Variants in HDGFL3 observed in about 807,000 individuals in gnomAD.
HDGFL3 encodes hepatoma-derived growth factor-related protein 3.
HDGFL3 carries 6 observed loss-of-function variants against 27.6 expected under a neutral mutation model. The observed-to-expected ratio is 0.22, with a 90% CI of 0.12 to 0.43. HDGFL3 has a LOEUF of 0.43. Ranked by LOEUF, HDGFL3 falls within the 20% of genes least tolerant of loss-of-function variation. HDGFL3 has a pLI of 1.00. For synonymous variants in HDGFL3, 88 were observed against 88.9 expected, an observed-to-expected ratio of 0.99 and a Z score of 0.05; for missense variants, 207 against 250.1, an observed-to-expected ratio of 0.83 and a Z score of 1.16.
intron 5 of HDGFL3, among the ~76,000 whole-genome samples, chr15:83,145,055 C>A (rs917357521): frequency 6.6e-6 from 1 of 151,802 alleles, no homozygotes; most frequent in African/African-American, 2.4e-5. Context: ...ACTCAGAGAG[C>A]CTCTGGGAGC....
intron 1 of HDGFL3, among the ~76,000 whole-genome samples, chr15:83,187,626 C>T (rs1012422642): frequency 1.3e-5 from 2 of 152,158 alleles, no homozygotes; most frequent in Admixed American, 1.3e-4. Flanking sequence ...TGGTGGCTCA[C>T]GCCTGTAATC....
Position 83,166,868 on chromosome 15 carries a change from A to G in HDGFL3, c.85-2793T>C, listed in dbSNP as rs28885151. On this transcript the variant is annotated intron_variant, in intron 1 of 5. Coordinates refer to ENST00000299633, the MANE Select transcript of HDGFL3 (RefSeq NM_016073.4). ...CTATCACAAGAACAGCAAAGAGGAA[A>G]TCTAACCCCATGATCCAATCACCTC... 6.7e-3 allele frequency among the ~76,000 whole-genome samples: 1,013 copies of G among 152,314 alleles called. 12 individuals are homozygous for G. Among genetic ancestry groups the G allele is most frequent in the African/African-American group, 0.023 (974 of 41,578 alleles).
At chr15:83,186,308 G>C (rs2037441740) in intron 1 of HDGFL3, among the ~76,000 whole-genome samples, 1 of 152,210 alleles carries the variant, frequency 6.6e-6, no homozygotes, top group African/African-American at 2.4e-5. Flanking sequence ...GAACAAAGCA[G>C]GAGATACCAG....
rs1482263742 is a variant in HDGFL3 at position 83,177,520 on chromosome 15, T to C, written c.85-13445A>G. On this transcript the variant is annotated intron_variant, in intron 1 of 5. Coordinates refer to ENST00000299633, the MANE Select transcript of HDGFL3 (RefSeq NM_016073.4). ...TATAAACTTCAAATTGACACACTTT[T>C]AAAAAATTTCAACAGCAATTATGTT... Among the ~76,000 whole-genome samples the C allele has an allele frequency of 2.0e-5, 3 of 152,344 alleles. No individual in the cohort carries two copies. The East Asian group carries it at 5.8e-4, about 29-fold the overall frequency.
rs111316509 is a variant in HDGFL3, at chr15:83,157,803, C to T, written c.300+100G>A. 1.4e-4 allele frequency: 164 copies of T among 1,163,316 alleles called. No homozygotes were observed. In the African/African-American group the frequency reaches 2.3e-3, roughly 16 times the overall value. The allele number at this position is 1,163,316 out of a possible 1,614,324, so 72.1% of individuals were successfully genotyped here. On this transcript the variant is annotated intron_variant, in intron 3 of 5. Transcript: ENST00000299633. ...CTGGAGTCAAAAAGAATTGTGACTT[C>T]AAGGTAACTATTAGTAGAAAGGACA...
At position 83,133,607 on chromosome 15, in the gene HDGFL3, C is replaced by T. The variant is rs2036407421; in HGVS notation, c.*5663G>A. The T allele has an allele frequency of 6.6e-6, 1 of 152,182 alleles. No individual in the cohort carries two copies. Among genetic ancestry groups the T allele is most frequent in the Non-Finnish European group, 1.5e-5 (1 of 68,036 alleles). The allele number at this position is 152,182 out of a possible 1,614,324, so 9.4% of individuals were successfully genotyped here. ...ATTCTGGAGAAATTTCTAGGATCAA[C>T]AACTCATATCTGTAATCCTGGGCCT... On this transcript the variant is annotated 3_prime_UTR_variant, in exon 6 of 6. Coordinates refer to ENST00000299633, the MANE Select transcript of HDGFL3 (RefSeq NM_016073.4).
intron 1 of HDGFL3, among the ~76,000 whole-genome samples, chr15:83,197,125 T>C (rs2037579551): frequency 6.6e-6 from 1 of 152,228 alleles, no homozygotes; most frequent in Non-Finnish European, 1.5e-5. Flanking sequence ...GACCATGATA[T>C]TTCATAACTC....
At chr15:83,200,039 C>G (rs1294993896) in intron 1 of HDGFL3, among the ~76,000 whole-genome samples, 1 of 106,518 alleles carries the variant, frequency 9.4e-6, no homozygotes, top group Admixed American at 1.1e-4. Context: ...AGCGAAACTC[C>G]ATCTCAAAAA....
chr15:83,171,290 A>C (rs1036629926), intron 1 of HDGFL3, among the ~76,000 whole-genome samples: 4 of 151,998 alleles, frequency 2.6e-5, no homozygotes, highest in Admixed American at 2.6e-4. Context: ...ACACACTGTT[A>C]GTGGGACTGT....
At chr15:83,183,049 A>C (rs934685933) in intron 1 of HDGFL3, among the ~76,000 whole-genome samples, 2 of 152,370 alleles carry the variant, frequency 1.3e-5, no homozygotes, top group Non-Finnish European at 2.9e-5. Context: ...GAAGAGGATG[A>C]GACTAGTGTT....
intron 1 of HDGFL3, among the ~76,000 whole-genome samples, chr15:83,201,820 T>C (rs1013113834): frequency 4.6e-5 from 7 of 152,144 alleles, no homozygotes; most frequent in African/African-American, 1.7e-4. Context: ...TTAAAGTTCC[T>C]ATGAGCTCCC....
intron 1 of HDGFL3, among the ~76,000 whole-genome samples, chr15:83,191,490 G>T (rs893013895): frequency 6.6e-6 from 1 of 152,148 alleles, no homozygotes; most frequent in African/African-American, 2.4e-5. Flanking sequence ...CTAATCCAAA[G>T]ATATAATCCA....
chr15:83,139,888 T>C (rs1427740561), intron 5 of HDGFL3, among the ~76,000 whole-genome samples: 2 of 152,212 alleles, frequency 1.3e-5, no homozygotes, highest in East Asian at 3.8e-4. Context: ...ATTTGTTTCA[T>C]AAAAGAATTA....
At chr15:83,152,990 CTTTTTTTTTTT>C (rs920789734) in intron 4 of HDGFL3, among the ~76,000 whole-genome samples, 1 of 113,314 alleles carries the variant, frequency 8.8e-6, no homozygotes, top group African/African-American at 3.2e-5. Flanking sequence ...ATACGCAGTT[CTTTTTTTTTTT>C]TTTTTTTTTT....
chr15:83,194,736 T>C (rs893241682), intron 1 of HDGFL3, among the ~76,000 whole-genome samples: 1 of 152,178 alleles, frequency 6.6e-6, no homozygotes. Context: ...CCTATGGAGA[T>C]GGGTGCAGAC....
intron 1 of HDGFL3, among the ~76,000 whole-genome samples, chr15:83,172,720 C>G (rs114039040): frequency 0.019 from 2,803 of 151,362 alleles, 95 homozygotes; most frequent in African/African-American, 0.065. Flanking sequence ...ACTGAGAAGG[C>G]TGAGGCAGAA....
At chr15:83,183,814 A>C (rs1596563210) in intron 1 of HDGFL3, among the ~76,000 whole-genome samples, 1 of 152,214 alleles carries the variant, frequency 6.6e-6, no homozygotes, top group Admixed American at 6.5e-5. Context: ...GAGTTTGGTA[A>C]GGGTTTCCAG....
At chr15:83,144,570 G>A (rs1382459361) in intron 5 of HDGFL3, 2 of 455,780 alleles carry the variant, frequency 4.4e-6, no homozygotes. Flanking sequence ...ATGGGGCAAG[G>A]CATCAGAGGA....
intron 5 of HDGFL3, chr15:83,144,897 TG>T: frequency 3.8e-6 from 1 of 260,076 alleles, no homozygotes; most frequent in Non-Finnish European, 7.5e-6. Context: ...ATACAGTAGG[TG>T]TAAGCCAATC....
Sources: allele counts gnomAD v4.1 joint callset (sites outside exome capture counted in the v4.1 genomes callset), GRCh38; gene constraint gnomAD v4.1.1; transcripts MANE v1.5; gene names NCBI Gene and HGNC (gene_info 2026-07-23, HGNC 2026-07-21).